The following CWF19L2 variants were observed in gnomAD, a reference collection of about 807,000 sequenced individuals.
The protein encoded by CWF19L2 is CWF19-like protein 2.
CWF19L2 carries 98 observed loss-of-function variants against 111.7 expected under a neutral mutation model. The ratio of observed to expected loss-of-function variants is 0.88; its 90% CI spans 0.75 to 1.04. The LOEUF is 1.04. Ranked by LOEUF, CWF19L2 falls within the 50% of genes least tolerant of loss-of-function variation. CWF19L2 has a pLI of 0.00. For missense variants in CWF19L2, 1,101 were observed against 1,051.4 expected, an observed-to-expected ratio of 1.05 and a Z score of -0.65; for synonymous variants, 351 against 342.9, an observed-to-expected ratio of 1.02 and a Z score of -0.26.
chr11:107,427,406 C>T (rs1386473454), intron 8 of CWF19L2, among the ~76,000 whole-genome samples: 9 of 152,034 alleles, frequency 5.9e-5, no homozygotes, highest in Admixed American at 5.9e-4. Context: ...TTAGTGAGTG[C>T]TGTCTTCAAA....
At position 107,329,964 on chromosome 11, in the gene CWF19L2, G is replaced by A. The variant is rs775818897; in HGVS notation, c.2495C>T (p.Ala832Val). 6.3e-7 allele frequency: 1 copy of A among 1,591,760 alleles called. No homozygotes were observed. The highest frequency in any genetic ancestry group is 1.8e-5 in the Admixed American group (1 of 56,626). Residue 832 changes from alanine to valine, a missense_variant, in exon 17 of 18, where the codon GCC becomes GTC. Coordinates refer to ENST00000282251, the MANE Select transcript of CWF19L2 (RefSeq NM_152434.3). ...SVDFGLHGGF[A>V]HVIEDQHKFP... ...TTTGTGCTGATCTTCAATGACATGG[G>A]CAAACCCTCCGTGAAGGCCAAAATC...
chr11:107,440,005 G>C (rs566107040), intron 5 of CWF19L2, among the ~76,000 whole-genome samples: 2 of 152,302 alleles, frequency 1.3e-5, no homozygotes, highest in Admixed American at 1.3e-4. Flanking sequence ...TAATCACAAT[G>C]CAAGTGTCTC....
At chr11:107,371,486 C>T (rs988143080) in intron 12 of CWF19L2, among the ~76,000 whole-genome samples, 1 of 99,400 alleles carries the variant, frequency 1.0e-5, no homozygotes, top group South Asian at 3.2e-4. Flanking sequence ...ATTTAAAGTA[C>T]GGCATGAATT....
intron 13 of CWF19L2, among the ~76,000 whole-genome samples, chr11:107,353,028 T>C (rs1447822689): frequency 1.3e-5 from 2 of 152,170 alleles, no homozygotes; most frequent in South Asian, 4.1e-4. Flanking sequence ...TCCCATTTTA[T>C]GCATCTTTAC....
intron 1 of CWF19L2, among the ~76,000 whole-genome samples, chr11:107,457,390 A>T (rs778519821): frequency 8.5e-5 from 13 of 152,232 alleles, no homozygotes; most frequent in Non-Finnish European, 1.6e-4. Flanking sequence ...ATGCTGGCAG[A>T]GTCCTTACAA....
At chr11:107,328,012 GAC>G (rs1246892225) in intron 17 of CWF19L2, among the ~76,000 whole-genome samples, 2 of 151,816 alleles carry the variant, frequency 1.3e-5, no homozygotes, top group Admixed American at 6.6e-5. Context: ...GTGGGGTGAA[GAC>G]ACACAGTTGT....
chr11:107,440,315 T>C (rs1861603748), intron 5 of CWF19L2, among the ~76,000 whole-genome samples: 1 of 152,168 alleles, frequency 6.6e-6, no homozygotes, highest in South Asian at 2.1e-4. Context: ...AATATACTAC[T>C]GAAAATTAAA....
At chr11:107,415,293 T>TAA (rs2135397252) in intron 10 of CWF19L2, among the ~76,000 whole-genome samples, 1 of 152,330 alleles carries the variant, frequency 6.6e-6, no homozygotes, top group East Asian at 1.9e-4. Flanking sequence ...AGTCCTTACA[T>TAA]AAAGTCCTTA....
At chr11:107,440,000 A>G (rs1861598640) in intron 5 of CWF19L2, among the ~76,000 whole-genome samples, 1 of 152,214 alleles carries the variant, frequency 6.6e-6, no homozygotes, top group Admixed American at 6.5e-5. Flanking sequence ...TAGCCTAATC[A>G]CAATGCAAGT....
intron 13 of CWF19L2, among the ~76,000 whole-genome samples, chr11:107,350,959 T>C (rs1363994631): frequency 1.3e-5 from 2 of 152,144 alleles, no homozygotes; most frequent in Non-Finnish European, 2.9e-5. Flanking sequence ...GCTGAGATGA[T>C]GAGAGGAAGG....
intron 12 of CWF19L2, among the ~76,000 whole-genome samples, chr11:107,362,664 C>T (rs930140195): frequency 2.0e-5 from 3 of 151,358 alleles, no homozygotes; most frequent in Admixed American, 6.6e-5. Context: ...ACACCAAAAA[C>T]CCATCTGTAC....
intron 3 of CWF19L2, among the ~76,000 whole-genome samples, chr11:107,443,298 T>C (rs34846704): frequency 0.16 from 23,770 of 151,936 alleles, 2,142 homozygotes; most frequent in Middle Eastern, 0.27. Context: ...CTGGCAAACA[T>C]GGTGAAACAC....
Position 107,371,504 on chromosome 11 carries a change from GA to G in CWF19L2, c.1873-17769del, listed in dbSNP as rs1268756716. Reference sequence around the variant, plus strand: ...TAAAGTACGGCATGAATTACAGACTGATTTTTTAAAGGTGCTATTAAAACAT... The same window carrying G: ...TAAAGTACGGCATGAATTACAGACTGTTTTTTAAAGGTGCTATTAAAACAT... On this transcript the variant is annotated intron_variant, in intron 12 of 17. Coordinates refer to ENST00000282251, the MANE Select transcript of CWF19L2 (RefSeq NM_152434.3). Among the ~76,000 whole-genome samples the G allele has an allele frequency of 8.9e-5, 4 of 44,780 alleles. 1 individual carries two copies. The South Asian group carries it at 1.6e-3, about 18-fold the overall frequency. The allele number at this position is 44,780 out of a possible 152,430, so 29.4% of individuals were successfully genotyped here. A position where few individuals can be genotyped will look rare whatever the true frequency, so the allele number is the denominator to read the frequency against.
chr11:107,387,741 G>A (rs1439248687), intron 12 of CWF19L2, among the ~76,000 whole-genome samples: 4 of 152,116 alleles, frequency 2.6e-5, no homozygotes, highest in Admixed American at 1.3e-4. Context: ...TTCACAATAG[G>A]GTTCATGCTC....
intron 6 of CWF19L2, among the ~76,000 whole-genome samples, chr11:107,436,047 G>A (rs1024382368): frequency 5.3e-5 from 8 of 151,832 alleles, no homozygotes; most frequent in South Asian, 4.2e-4. Flanking sequence ...CCAGCTACTC[G>A]GGAGGCTGAG....
chr11:107,413,237 G>C (rs1185147257), intron 10 of CWF19L2, among the ~76,000 whole-genome samples: 1 of 152,270 alleles, frequency 6.6e-6, no homozygotes, highest in Non-Finnish European at 1.5e-5. Flanking sequence ...GGAAGTGTAT[G>C]GGAAATGTGT....
chr11:107,330,918 A>G lies in CWF19L2; in HGVS notation c.2440-899T>C, dbSNP rs536880426. Among the ~76,000 whole-genome samples the G allele has an allele frequency of 7.9e-5, 12 of 152,266 alleles. No homozygotes were observed. The South Asian group carries it at 2.3e-3, about 29-fold the overall frequency. ...TCCTACTTAACCATACAAATTGTGTATTGTGTCCTTTTTAAAAAGGCACAA... is the reference window on the plus strand; with the variant it reads ...TCCTACTTAACCATACAAATTGTGTGTTGTGTCCTTTTTAAAAAGGCACAA... On this transcript the variant is annotated intron_variant, in intron 16 of 17. Transcript: ENST00000282251.
chr11:107,420,181 A>G (rs1230561267), intron 8 of CWF19L2, among the ~76,000 whole-genome samples: 1 of 152,088 alleles, frequency 6.6e-6, no homozygotes, highest in East Asian at 1.9e-4. Flanking sequence ...ACCTAATTAT[A>G]TCAACAACAT....
intron 14 of CWF19L2, among the ~76,000 whole-genome samples, chr11:107,340,218 C>T (rs1859986469): frequency 1.3e-5 from 2 of 151,870 alleles, no homozygotes; most frequent in Non-Finnish European, 2.9e-5. Context: ...CTCTGTGTAC[C>T]CAAGATCTTG....
Sources: allele counts gnomAD v4.1 joint callset (sites outside exome capture counted in the v4.1 genomes callset), GRCh38; gene constraint gnomAD v4.1.1; transcripts MANE v1.5; gene names NCBI Gene and HGNC (gene_info 2026-07-23, HGNC 2026-07-21).